The following KIFBP variants were observed in gnomAD, a reference collection of about 807,000 sequenced individuals.
KIFBP encodes the protein KIF-binding protein.
Under a neutral mutation model 58.9 loss-of-function variants are expected in KIFBP, and 46 were observed. The observed-to-expected ratio is 0.78, with a 90% CI of 0.62 to 1.00. The LOEUF (loss-of-function observed/expected upper bound fraction) is 1.00, where lower values mean the gene tolerates loss of function less well. Ranked by LOEUF, KIFBP falls within the 50% of genes least tolerant of loss-of-function variation. KIFBP has a pLI of 0.00. For missense variants in KIFBP, 651 were observed against 752.9 expected, an observed-to-expected ratio of 0.86 and a Z score of 1.58; for synonymous variants, 241 against 283.4, an observed-to-expected ratio of 0.85 and a Z score of 1.50.
At chr10:69,006,080 G>T (rs901438479) in intron 4 of KIFBP, 165 bp downstream of exon 4, 3 of 621,050 alleles carry the variant, frequency 4.8e-6, no homozygotes, top group African/African-American at 1.8e-5. Context: ...CTAAAATTTT[G>T]TAGCTTTTTG....
chr10:69,007,576 A>G (rs1384707387), intron 4 of KIFBP: 2 of 152,224 alleles, frequency 1.3e-5, no homozygotes, highest in African/African-American at 2.4e-5. Context: ...TTCATTATAT[A>G]AACTCTAACT....
In KIFBP at chr10:69,010,970, C is replaced by G; in HGVS notation, c.945C>G (p.Ile315Met). ...QRKGEIARCW[I>M]KYCLTLMQNA... ...AGGGGGAAATAGCAAGGTGCTGGAT[C>G]AAATACTGTTTGACTCTCATGCAGA... The change falls in exon 6 of 7, where the codon ATC becomes ATG. Residue 315 changes from isoleucine to methionine, a missense_variant. Physicochemically the swap from Ile to Met is conservative, Grantham distance 10. Coordinates refer to ENST00000361983, the MANE Select transcript of KIFBP (RefSeq NM_015634.4). 1 of 1,614,120 alleles carries G rather than the reference C, an allele frequency of 6.2e-7. No homozygotes were observed. The highest frequency in any genetic ancestry group is 8.5e-7 in the Non-Finnish European group (1 of 1,179,980).
intron 1 of KIFBP, among the ~76,000 whole-genome samples, 155 bp from the exon 2 acceptor site, chr10:69,000,269 C>T (rs754916847): frequency 6.6e-6 from 1 of 152,158 alleles, no homozygotes; most frequent in Non-Finnish European, 1.5e-5. Context: ...CTACCTGCTG[C>T]ACTACATAAG....
At chr10:69,001,415 A>G (rs1415348742) in intron 2 of KIFBP, among the ~76,000 whole-genome samples, 1 of 152,200 alleles carries the variant, frequency 6.6e-6, no homozygotes, top group East Asian at 1.9e-4. Context: ...ATCAGGCACA[A>G]TATTTTCTTG....
At chr10:69,003,985 G>A (rs1378794926) in intron 2 of KIFBP, among the ~76,000 whole-genome samples, 1 of 152,010 alleles carries the variant, frequency 6.6e-6, no homozygotes, top group Admixed American at 6.6e-5. Flanking sequence ...CTTTGCGGGG[G>A]CCGAGGCAGG....
chr10:69,007,597 T>C (rs1421739368), intron 4 of KIFBP: 1 of 152,234 alleles, frequency 6.6e-6, no homozygotes, highest in African/African-American at 2.4e-5. Context: ...TTCTTTTGGC[T>C]TTTAAGATTT....
chr10:69,008,916 A>G lies in KIFBP; in HGVS notation c.865A>G (p.Thr289Ala), dbSNP rs1261835762. The change falls in exon 5 of 7, where the codon ACA (threonine) becomes GCA (alanine). Residue 289 changes from threonine to alanine, a missense_variant. Transcript: ENST00000361983. The stretch of plus-strand genomic sequence containing the variant: ...TGGTCAAACTGGAAAGATCTCAGCC[A>G]CAGAAGACAGTAAGTTTACCTTTGC... ...IFGQTGKISA[T>A]EDTPEAEGEV... is the part of the protein sequence containing the mutation. The G allele has an allele frequency of 6.2e-7, 1 of 1,611,972 alleles. No individual in the cohort carries two copies. Among genetic ancestry groups the G allele is most frequent in the Admixed American group, 1.7e-5 (1 of 60,016 alleles).
At chr10:68,998,578 G>A (rs1162019245) in intron 1 of KIFBP, among the ~76,000 whole-genome samples, 1 of 151,128 alleles carries the variant, frequency 6.6e-6, no homozygotes, top group Non-Finnish European at 1.5e-5. Context: ...CTTTATGGAT[G>A]CCTTGGGGAT....
chr10:68,990,043 C>T (rs558118874), intron 1 of KIFBP, among the ~76,000 whole-genome samples: 1 of 152,316 alleles, frequency 6.6e-6, no homozygotes, highest in Non-Finnish European at 1.5e-5. Context: ...AAATCTGCAG[C>T]TTCCTTTCTT....
intron 3 of KIFBP, 57 bp from the exon 4 acceptor site, chr10:69,005,675 G>GAAA (rs371924027): frequency 6.2e-5 from 71 of 1,145,750 alleles, no homozygotes; most frequent in Non-Finnish European, 7.5e-5. Context: ...TCTGTCTCAG[G>GAAA]AAAAAAAAAA....
In KIFBP at chr10:69,008,389, A is replaced by AC. The variant is rs1434053871; in HGVS notation, c.790-452_790-451insC. ...GACCCCTGTCTCGTAAAAAAAAAAAAAAATATATATATATATATATATATA... is the reference window on the plus strand; with the variant it reads ...GACCCCTGTCTCGTAAAAAAAAAAAACAAATATATATATATATATATATATA... On this transcript the variant is annotated intron_variant, in intron 4 of 6. Transcript: ENST00000361983. Among the ~76,000 whole-genome samples the AC allele has an allele frequency of 2.3e-4, 13 of 56,570 alleles. 1 individual carries two copies. The highest frequency in any genetic ancestry group is 3.2e-4 in the Non-Finnish European group (9 of 28,528). 37.1% of individuals were successfully genotyped at this position (56,570 alleles called of 152,430 possible).
At chr10:68,999,166 C>T (rs1367053373) in intron 1 of KIFBP, among the ~76,000 whole-genome samples, 5 of 152,080 alleles carry the variant, frequency 3.3e-5, no homozygotes, top group Admixed American at 6.5e-5. Context: ...GGCACGATCT[C>T]GGCTCACTGC....
chr10:69,015,932 T>A lies in KIFBP; in HGVS notation c.1382T>A (p.Leu461Gln), dbSNP rs749084385. The A allele has an allele frequency of 6.2e-7, 1 of 1,614,080 alleles. No individual in the cohort carries two copies. Among genetic ancestry groups the A allele is most frequent in the African/African-American group, 1.3e-5 (1 of 74,932 alleles). The change falls in exon 7 of 7, where the codon CTG becomes CAG. Residue 461 changes from leucine to glutamine, a missense_variant. By Grantham distance (113) the Leu-to-Gln change is moderately radical (BLOSUM62 -2). Transcript: ENST00000361983. The stretch of plus-strand genomic sequence containing the variant: ...ATGCTAGAGCCCCTAACTGTAGACC[T>A]GAATCCACAGTATTATCTGTTGGTC... ...IAMLEPLTVD[L>Q]NPQYYLLVNR...
intron 2 of KIFBP, among the ~76,000 whole-genome samples, chr10:69,002,248 C>T (rs1843474966): frequency 1.3e-5 from 2 of 151,944 alleles, no homozygotes; most frequent in Admixed American, 1.3e-4. Context: ...CAACCTCCAC[C>T]TCTTGAGTTC....
In KIFBP at chr10:69,016,223, T is replaced by C; in HGVS notation, c.1673T>C (p.Ile558Thr). 1 of 1,610,842 alleles carries C rather than the reference T, an allele frequency of 6.2e-7. No homozygotes were observed. Among genetic ancestry groups the C allele is most frequent in the Non-Finnish European group, 8.5e-7 (1 of 1,178,574 alleles). ...GTTGCCCGTCTCTATGGCAAAATCA[T>C]TACTGCAGATCCCAAGAAAGAGCTG... ...FRVARLYGKI[I>T]TADPKKELEN... Residue 558 changes from isoleucine (I) to threonine (T), a missense_variant, in exon 7 of 7, where the codon ATT becomes ACT. Physicochemically the swap from Ile to Thr is moderately conservative, Grantham distance 89 (BLOSUM62 -1). Transcript: ENST00000361983.
At chr10:69,015,450 C>T in intron 6 of KIFBP, 91 bp from the exon 7 acceptor site, 1 of 1,290,562 alleles carries the variant, frequency 7.7e-7, no homozygotes, top group East Asian at 2.3e-5. Flanking sequence ...AGAGACTTCT[C>T]TTCTAAAAAA....
In KIFBP at chr10:68,988,804, T is replaced by C. The variant is rs765359923; in HGVS notation, c.-29T>C. 5 of 1,614,132 alleles carry C rather than the reference T, an allele frequency of 3.1e-6. No homozygotes were observed. Among genetic ancestry groups the C allele is most frequent in the African/African-American group, 2.7e-5 (2 of 75,042 alleles). On this transcript the variant is annotated 5_prime_UTR_variant, in exon 1 of 7. Transcript: ENST00000361983. ...AAGGCGGGAGTCCCGACTGCAAACA[T>C]TGAGGAAAGCCAGGCAGTAGAGGCC... is the stretch of plus-strand genomic sequence containing the variant.
intron 4 of KIFBP, 91 bp from the exon 5 acceptor site, chr10:69,008,750 C>A (rs1843562663): frequency 4.0e-6 from 4 of 990,946 alleles, no homozygotes. Flanking sequence ...TGATTTTATA[C>A]CTTTTCCCAT....
intron 4 of KIFBP, among the ~76,000 whole-genome samples, chr10:69,008,391 A>AATATATATATAT (rs1173764355): frequency 4.3e-4 from 31 of 71,584 alleles, no homozygotes; most frequent in Admixed American, 9.0e-4. Flanking sequence ...AAAAAAAAAA[A>AATATATATATAT]ATATATATAT....
Sources: gnomAD v4.1 joint callset for allele counts (sites outside exome capture counted in the v4.1 genomes callset) on GRCh38, gnomAD v4.1.1 for gene constraint, MANE v1.5 for transcripts, NCBI Gene and HGNC (gene_info 2026-07-23, HGNC 2026-07-21) for gene names.